The following COL4A6 variants were observed in gnomAD, a reference collection of about 807,000 sequenced individuals.
The protein encoded by COL4A6 is collagen type IV alpha 6 chain.
COL4A6 carries 59 observed loss-of-function variants against 126.7 expected under a neutral mutation model. The observed-to-expected ratio is 0.47, with a 90% confidence interval of 0.38 to 0.58. The LOEUF (loss-of-function observed/expected upper bound fraction) is 0.58. Ranked by LOEUF, COL4A6 falls within the 20% of genes least tolerant of loss-of-function variation. The pLI, the probability that COL4A6 is intolerant of heterozygous loss-of-function variation, is 0.00. For synonymous variants in COL4A6, 547 were observed against 496.6 expected, an observed-to-expected ratio of 1.10 and a Z score of -1.35; for missense variants, 1,285 against 1,337.3, an observed-to-expected ratio of 0.96 and a Z score of 0.61.
intron 2 of COL4A6, among the ~76,000 whole-genome samples, chrX:108,345,856 CT>C (rs779382235): frequency 1.8e-5 from 2 of 111,655 alleles, no homozygotes; most frequent in South Asian, 7.6e-4. Flanking sequence ...CTTGGGGGAG[CT>C]TTGAAAAATC....
chrX:108,281,011 A>T (rs1383680986), intron 3 of COL4A6, among the ~76,000 whole-genome samples: 2 of 107,755 alleles, frequency 1.9e-5, no homozygotes, highest in African/African-American at 3.4e-5. Context: ...AATAAGAGCT[A>T]TCTATGACAA....
At chrX:108,359,024 G>A (rs1349221349) in intron 2 of COL4A6, among the ~76,000 whole-genome samples, 3 of 111,957 alleles carry the variant, frequency 2.7e-5, no homozygotes, top group Non-Finnish European at 5.6e-5. Flanking sequence ...TATGGTTCAA[G>A]ACAGAGCTGA....
intron 2 of COL4A6, chrX:108,383,835 A>T (rs2040620349): frequency 2.0e-6 from 1 of 491,121 alleles, no homozygotes; most frequent in East Asian, 3.5e-5. Flanking sequence ...GATCCCTCAA[A>T]CCAGATGCAA....
intron 2 of COL4A6, among the ~76,000 whole-genome samples, chrX:108,411,713 T>C (rs2041333654): frequency 9.0e-6 from 1 of 111,450 alleles, no homozygotes; most frequent in Non-Finnish European, 1.9e-5. Context: ...AAACAGAGAG[T>C]GAGATATACT....
intron 2 of COL4A6, among the ~76,000 whole-genome samples, chrX:108,336,427 A>G (rs1188586593): frequency 8.9e-6 from 1 of 111,765 alleles, no homozygotes; most frequent in African/African-American, 3.2e-5. Context: ...TGAAATATTC[A>G]GAAAGACTAA....
intron 14 of COL4A6, among the ~76,000 whole-genome samples, chrX:108,195,980 C>T (rs1040288536): frequency 3.6e-5 from 4 of 111,449 alleles, no homozygotes; most frequent in East Asian, 2.8e-4. Flanking sequence ...CCTAAGTGCC[C>T]GAAGCTAGGA....
At chrX:108,251,081 G>A (rs189088063) in intron 3 of COL4A6, among the ~76,000 whole-genome samples, 18 of 111,023 alleles carry the variant, frequency 1.6e-4, no homozygotes, top group African/African-American at 5.6e-4. Flanking sequence ...GAGTTTCAAG[G>A]GGCCAAATGC....
At chrX:108,228,452 C>G (rs1454255003) in intron 3 of COL4A6, among the ~76,000 whole-genome samples, 1 of 112,503 alleles carries the variant, frequency 8.9e-6, no homozygotes, top group Admixed American at 9.4e-5. Context: ...AAGAAACACA[C>G]TGCATGGCCC....
intron 2 of COL4A6, among the ~76,000 whole-genome samples, chrX:108,340,576 T>C (rs1569432922): frequency 9.0e-6 from 1 of 110,739 alleles, no homozygotes; most frequent in Non-Finnish European, 1.9e-5. Context: ...TATAATGAAG[T>C]AATAAATAAA....
chrX:108,410,025 T>C (rs1318869307), intron 2 of COL4A6, among the ~76,000 whole-genome samples: 2 of 111,552 alleles, frequency 1.8e-5, no homozygotes, highest in African/African-American at 6.5e-5. Context: ...AATTAAAGAA[T>C]TTTTCAGGTG....
intron 2 of COL4A6, among the ~76,000 whole-genome samples, chrX:108,363,050 C>T (rs2040122434): frequency 1.8e-5 from 2 of 112,268 alleles, no homozygotes; most frequent in African/African-American, 6.5e-5. Context: ...TGTGAGATTA[C>T]AGTAGCTCAA....
intron 5 of COL4A6, among the ~76,000 whole-genome samples, chrX:108,217,771 G>T (rs1420612350): frequency 8.9e-6 from 1 of 111,823 alleles, no homozygotes; most frequent in East Asian, 2.8e-4. Context: ...GGATTTTATG[G>T]AGTAATGAGG....
At chrX:108,367,734 T>C (rs2040236019) in intron 2 of COL4A6, among the ~76,000 whole-genome samples, 1 of 111,687 alleles carries the variant, frequency 9.0e-6, no homozygotes, top group South Asian at 3.7e-4. Flanking sequence ...ACCTTCAGAT[T>C]GAAAAAATAC....
intron 36 of COL4A6, 144 bp from the exon 37 acceptor site, chrX:108,169,764 G>A: frequency 3.2e-6 from 3 of 939,207 alleles, no homozygotes; most frequent in Non-Finnish European, 4.3e-6. Context: ...GTTAATCTGA[G>A]TAGAAGAAAA....
In COL4A6 at chrX:108,190,432, T is replaced by G; in HGVS notation, c.1386A>C (p.Glu462Asp). ...KESGFPGLRGEQGPKGNLGLK... is the reference protein window; with the variant it reads ...KESGFPGLRGDQGPKGNLGLK... ...GGCCTAGGTTTCCTTTTGGACCTTG[T>G]TCTCCTCGGAGACCAGGGAACCCTG... The change falls in exon 20 of 45, where the codon GAA becomes GAC. Residue 462 changes from glutamate (E) to aspartate (D), a missense_variant. Glu to Asp is a conservative substitution (Grantham distance 45, BLOSUM62 2). Coordinates refer to ENST00000334504, the MANE Select transcript of COL4A6 (RefSeq NM_033641.4). The G allele has an allele frequency of 1.7e-6, 2 of 1,208,199 alleles. No homozygotes were observed. The highest frequency in any genetic ancestry group is 2.2e-6 in the Non-Finnish European group (2 of 892,752).
Position 108,415,259 on chromosome X carries a change from A to C in COL4A6, c.63+22683T>G, listed in dbSNP as rs1228485697. Among the ~76,000 whole-genome samples the C allele has an allele frequency of 3.6e-5, 4 of 111,701 alleles. No homozygotes were observed. In the Admixed American group the frequency reaches 3.8e-4, roughly 11 times the overall value. The stretch of plus-strand genomic sequence containing the variant: ...ACTCAAATTTCACTTCCTCCGAAAA[A>C]ACTTTCCTGTTTACCCTGGTCCCAA... On this transcript the variant is annotated intron_variant, in intron 2 of 44. Coordinates refer to ENST00000334504, the MANE Select transcript of COL4A6 (RefSeq NM_033641.4).
intron 3 of COL4A6, among the ~76,000 whole-genome samples, chrX:108,263,394 A>C (rs2037217022): frequency 8.9e-6 from 1 of 111,897 alleles, no homozygotes; most frequent in Non-Finnish European, 1.9e-5. Flanking sequence ...TTTGTCCTAG[A>C]GTACAAGGTT....
rs749962137 is a variant in COL4A6, at chrX:108,158,031, TG to T, written c.4813-772del. On this transcript the variant is annotated intron_variant, in intron 44 of 44. Coordinates refer to ENST00000334504, the MANE Select transcript of COL4A6 (RefSeq NM_033641.4). ...AGGGACTCCTTACTTTGCAGAACTT[TG>T]CAAGAGTGAGAGTCTGCATGGGACC... 1.6e-4 allele frequency among the ~76,000 whole-genome samples: 18 copies of T among 111,347 alleles called. No homozygotes were observed. The South Asian group carries it at 6.3e-3, about 39-fold the overall frequency.
intron 3 of COL4A6, among the ~76,000 whole-genome samples, chrX:108,276,858 C>T (rs2037617887): frequency 8.9e-6 from 1 of 112,159 alleles, no homozygotes; most frequent in African/African-American, 3.2e-5. Context: ...TGGCTATGTA[C>T]CTCAAACATT....
Sources: allele counts gnomAD v4.1 joint callset (sites outside exome capture counted in the v4.1 genomes callset), GRCh38; gene constraint gnomAD v4.1.1; transcripts MANE v1.5; gene names NCBI Gene and HGNC (gene_info 2026-07-23, HGNC 2026-07-21).